USH2A: variants seen among roughly 807,000 people sequenced by gnomAD.
USH2A encodes the protein Usher syndrome 2A (autosomal recessive, mild).
Under a neutral mutation model 538.9 loss-of-function variants are expected in USH2A, and 443 were observed. That is an observed-to-expected ratio of 0.82 (90% CI 0.76 to 0.89). USH2A has a LOEUF of 0.89. Among genes scored for constraint, USH2A ranks in the 40% least tolerant of loss-of-function variants. The pLI is 0.00. For missense variants in USH2A, 6,633 were observed against 6,324.8 expected, an observed-to-expected ratio of 1.05 and a Z score of -1.65; for synonymous variants, 2,413 against 2,273.5, an observed-to-expected ratio of 1.06 and a Z score of -1.75.
chr1:215,836,309 A>T (rs1393835520), intron 47 of USH2A, among the ~76,000 whole-genome samples: 2 of 149,364 alleles, frequency 1.3e-5, no homozygotes, highest in Non-Finnish European at 3.0e-5. Context: ...ATGTTCTTGC[A>T]CATCTAAACC....
intron 38 of USH2A, 28 bp downstream of exon 38, chr1:215,934,588 T>C: frequency 3.7e-6 from 6 of 1,606,508 alleles, no homozygotes; most frequent in South Asian, 1.1e-5. Context: ...TATATAAAAT[T>C]AGATAGCCAA....
intron 44 of USH2A, among the ~76,000 whole-genome samples, chr1:215,864,866 A>G (rs913381410): frequency 1.3e-5 from 2 of 152,182 alleles, no homozygotes; most frequent in Admixed American, 1.3e-4. Flanking sequence ...TGTGATTGAT[A>G]AAAATTTACC....
rs1162596733 is a variant in USH2A at position 216,232,090 on chromosome 1, T to C, written c.2856A>G (p.Ser952=). 1 of 1,613,952 alleles carries C rather than the reference T, an allele frequency of 6.2e-7. No individual in the cohort carries two copies. Among genetic ancestry groups the C allele is most frequent in the Non-Finnish European group, 8.5e-7 (1 of 1,179,890 alleles). ...PGNATGCLPC[S]CHTTGAVNHI... ...GATTAACTGCACCAGTTGTATGGCA[T>C]GAGCATGGCAGGCAGCCAGTGGCAT... Residue 952 remains serine (S), a synonymous_variant, in exon 14 of 72, where the codon TCA becomes TCG. Coordinates refer to ENST00000307340, the MANE Select transcript of USH2A (RefSeq NM_206933.4).
At chr1:215,999,152 C>A in intron 33 of USH2A, 94 bp from the exon 34 acceptor site, 1 of 1,090,062 alleles carries the variant, frequency 9.2e-7, no homozygotes, top group South Asian at 1.4e-5. Context: ...GGATTTGTGA[C>A]ACTTTTTTAA....
chr1:216,048,446 A>G (rs1200243310), intron 31 of USH2A, 88 bp downstream of exon 31: 3 of 1,364,030 alleles, frequency 2.2e-6, no homozygotes, highest in Non-Finnish European at 3.1e-6. Context: ...GGGGTTTGCC[A>G]GCAAATGGCC....
At chr1:215,655,651 G>A (rs1415468776) in intron 64 of USH2A, among the ~76,000 whole-genome samples, 1 of 151,972 alleles carries the variant, frequency 6.6e-6, no homozygotes, top group Non-Finnish European at 1.5e-5. Flanking sequence ...GCACAGGATG[G>A]GAGAAGGGGA....
chr1:215,812,170 G>C (rs940137640), intron 49 of USH2A, among the ~76,000 whole-genome samples: 1 of 151,478 alleles, frequency 6.6e-6, no homozygotes, highest in Non-Finnish European at 1.5e-5. Context: ...TTTTTTACAA[G>C]AGATGGGGTT....
rs556852113 is a variant in USH2A, at chr1:216,196,827, T to C, written c.4082-105A>G. 9.8e-6 allele frequency: 13 copies of C among 1,320,180 alleles called. No homozygotes were observed. In the East Asian group the frequency reaches 3.3e-4, roughly 33 times the overall value. The allele number at this position is 1,320,180 out of a possible 1,614,324, so 81.8% of individuals were successfully genotyped here. On this transcript the variant is annotated intron_variant, in intron 18 of 71. Transcript: ENST00000307340. ...ATTTAGTTTCTGAAATACCTTTACC[T>C]TTTAAAATATTCTGCTTTGAAAAAG...
intron 13 of USH2A, among the ~76,000 whole-genome samples, chr1:216,241,992 C>T (rs904774182): frequency 3.3e-5 from 5 of 152,054 alleles, no homozygotes; most frequent in South Asian, 2.1e-4. Flanking sequence ...AAAGTATTAT[C>T]GTATTTTATT....
At chr1:215,828,427 C>T (rs541169760) in intron 47 of USH2A, among the ~76,000 whole-genome samples, 9 of 152,172 alleles carry the variant, frequency 5.9e-5, no homozygotes, top group South Asian at 4.1e-4. Flanking sequence ...GGTGACAGAA[C>T]GAGATCCTGT....
At chr1:215,654,360 C>T (rs1657176162) in intron 64 of USH2A, among the ~76,000 whole-genome samples, 1 of 152,090 alleles carries the variant, frequency 6.6e-6, no homozygotes, top group Admixed American at 6.6e-5. Context: ...TGATGTTCCC[C>T]TCCCTGTGTC....
intron 4 of USH2A, 110 bp from the exon 5 acceptor site, chr1:216,327,764 A>T: frequency 1.5e-6 from 2 of 1,326,310 alleles, no homozygotes; most frequent in Non-Finnish European, 2.1e-6. Flanking sequence ...AAAGATATTT[A>T]TGTCACTGCC....
intron 33 of USH2A, among the ~76,000 whole-genome samples, chr1:216,000,165 T>C (rs1055314658): frequency 6.6e-6 from 1 of 152,216 alleles, no homozygotes; most frequent in African/African-American, 2.4e-5. Flanking sequence ...GTCAGTTTTT[T>C]GTTTATTGAA....
At chr1:215,698,744 T>C (rs1423480174) in intron 61 of USH2A, among the ~76,000 whole-genome samples, 3 of 152,214 alleles carry the variant, frequency 2.0e-5, no homozygotes, top group Non-Finnish European at 4.4e-5. Flanking sequence ...GATGGATAGG[T>C]TGCAAAAATT....
chr1:216,182,846 T>A (rs1198609997), intron 20 of USH2A, among the ~76,000 whole-genome samples: 1 of 152,048 alleles, frequency 6.6e-6, no homozygotes. Context: ...CCAGTTCCAA[T>A]AAAAACATGT....
intron 35 of USH2A, among the ~76,000 whole-genome samples, chr1:215,991,699 G>C (rs1668008007): frequency 1.3e-5 from 2 of 152,134 alleles, no homozygotes; most frequent in African/African-American, 4.8e-5. Flanking sequence ...CATTCAAAGA[G>C]CTTTGTAATG....
chr1:215,973,115 T>A (rs1190880237), intron 35 of USH2A, among the ~76,000 whole-genome samples: 1 of 152,172 alleles, frequency 6.6e-6, no homozygotes, highest in African/African-American at 2.4e-5. Flanking sequence ...CAGAATCTCT[T>A]AAAGAAACCA....
chr1:216,327,089 T>A (rs2102658132), intron 5 of USH2A, among the ~76,000 whole-genome samples: 1 of 152,230 alleles, frequency 6.6e-6, no homozygotes, highest in South Asian at 2.1e-4. Flanking sequence ...TCACTGAAAA[T>A]AGAAAAATAT....
intron 61 of USH2A, among the ~76,000 whole-genome samples, chr1:215,714,148 G>T (rs761549770): frequency 1.3e-5 from 2 of 152,184 alleles, no homozygotes; most frequent in Non-Finnish European, 2.9e-5. Context: ...TGAACATACA[G>T]ATTTCCTTTT....
Sources: allele counts gnomAD v4.1 joint callset (sites outside exome capture counted in the v4.1 genomes callset), GRCh38; gene constraint gnomAD v4.1.1; transcripts MANE v1.5; gene names NCBI Gene and HGNC (gene_info 2026-07-23, HGNC 2026-07-21).